RPRD2: variants seen among roughly 807,000 people sequenced by gnomAD.
The protein encoded by RPRD2 is regulation of nuclear pre-mRNA domain-containing protein 2.
In RPRD2, 12 loss-of-function variants were observed where a neutral mutation model predicts 104.4. The ratio of observed to expected loss-of-function variants is 0.11; its 90% CI spans 0.07 to 0.19. The LOEUF is 0.19. Among genes scored for constraint, RPRD2 ranks in the 10% least tolerant of loss-of-function variants. The pLI, the probability that RPRD2 is intolerant of heterozygous loss-of-function variation, is 1.00. For missense variants in RPRD2, 1,543 were observed against 1,790.1 expected, an observed-to-expected ratio of 0.86 and a Z score of 2.49; for synonymous variants, 714 against 684.9, an observed-to-expected ratio of 1.04 and a Z score of -0.66.
chr1:150,431,131 C>T (rs1384686340), intron 2 of RPRD2, among the ~76,000 whole-genome samples: 4 of 151,982 alleles, frequency 2.6e-5, no homozygotes, highest in Admixed American at 6.6e-5. Flanking sequence ...AACAAACAAA[C>T]AACTAGAAAA....
intron 1 of RPRD2, among the ~76,000 whole-genome samples, chr1:150,391,639 G>A (rs1192941323): frequency 3.3e-5 from 5 of 152,246 alleles, no homozygotes; most frequent in South Asian, 4.1e-4. Context: ...CGGGATCAGT[G>A]GCTGACGCCT....
At chr1:150,425,588 T>A (rs6678973) in intron 2 of RPRD2, among the ~76,000 whole-genome samples, 91,723 of 151,268 alleles carry the variant, frequency 0.61, 28,356 homozygotes, top group African/African-American at 0.67. Flanking sequence ...GGTTGCAATG[T>A]GCCGAGATTG....
intron 2 of RPRD2, among the ~76,000 whole-genome samples, chr1:150,431,473 A>ATGTTTTTTTTTTTTTTTTTTTTTTTTT (rs1665568391): frequency 2.5e-5 from 2 of 78,850 alleles, no homozygotes; most frequent in African/African-American, 9.0e-5. Flanking sequence ...AAAAGGAAGG[A>ATGTTTTTTTTTTTTTTTTTTTTTTTTT]TTTTTTTTTT....
chr1:150,397,921 G>T (rs372919585), intron 1 of RPRD2, among the ~76,000 whole-genome samples: 2 of 151,776 alleles, frequency 1.3e-5, no homozygotes, highest in African/African-American at 4.8e-5. Flanking sequence ...CAGCTAATTT[G>T]TTTCTGTTTT....
At chr1:150,429,171 C>T (rs1389726883) in intron 2 of RPRD2, among the ~76,000 whole-genome samples, 2 of 151,382 alleles carry the variant, frequency 1.3e-5, no homozygotes, top group African/African-American at 2.4e-5. Context: ...CAGCTCACCA[C>T]AACCTTTGCT....
chr1:150,380,593 C>A (rs1434285529), intron 1 of RPRD2, among the ~76,000 whole-genome samples: 1 of 152,136 alleles, frequency 6.6e-6, no homozygotes, highest in Non-Finnish European at 1.5e-5. Flanking sequence ...GGTGATCCAC[C>A]TGCCTCAGCC....
rs1430049506 is a variant in RPRD2, at chr1:150,415,112, G to GTGAC, written c.206-2483_206-2482insGACT. ...GGCCAAGGCAGGTGGATCACCTGAG[G>GTGAC]TCAGGATTTCAAGACCAGCCTGCCA... On this transcript the variant is annotated intron_variant, in intron 1 of 10. Transcript: ENST00000369068. Among the ~76,000 whole-genome samples the GTGAC allele has an allele frequency of 2.0e-5, 3 of 152,166 alleles. No individual in the cohort carries two copies. In the East Asian group the frequency reaches 5.8e-4, roughly 29 times the overall value.
Position 150,471,453 on chromosome 1 carries a change from T to A in RPRD2, c.2505T>A (p.Asp835Glu), listed in dbSNP as rs773107394. 1.9e-5 allele frequency: 31 copies of A among 1,613,740 alleles called. No homozygotes were observed. Among genetic ancestry groups the A allele is most frequent in the Non-Finnish European group, 2.2e-5 (26 of 1,179,862 alleles). ...TSFQEDEDYR[D>E]FEYSGPPPSA... ...TCCAAGAAGATGAGGATTACCGAGA[T>A]TTTGAGTATTCAGGGCCTCCACCCT... The change falls in exon 11 of 11, where the codon GAT becomes GAA. Residue 835 changes from aspartate (D) to glutamate (E), a missense_variant. Asp to Glu is a conservative substitution (Grantham distance 45). This residue lies in a region of RPRD2 where 880 missense variants were observed against 885.6 expected (regional missense o/e 0.99). Transcript: ENST00000369068. The surrounding 1 kb of genome is among the most constrained non-coding windows in gnomAD (Gnocchi z 5.3).
intron 1 of RPRD2, among the ~76,000 whole-genome samples, chr1:150,413,772 A>G (rs1290942305): frequency 1.3e-5 from 2 of 149,434 alleles, no homozygotes; most frequent in Non-Finnish European, 3.0e-5. Context: ...CTTAAACTAC[A>G]AAATTAGCCA....
At chr1:150,427,586 C>T (rs1665238752) in intron 2 of RPRD2, among the ~76,000 whole-genome samples, 1 of 151,920 alleles carries the variant, frequency 6.6e-6, no homozygotes, top group Non-Finnish European at 1.5e-5. Context: ...ATTGCTTGAA[C>T]CCAGGAGTTT....
rs1667080193 is a variant in RPRD2, at chr1:150,450,475, C to T, written c.870+4074C>T. 7.3e-5 allele frequency among the ~76,000 whole-genome samples: 11 copies of T among 150,228 alleles called. No homozygotes were observed. The South Asian group carries it at 2.4e-3, about 33-fold the overall frequency. On this transcript the variant is annotated intron_variant, in intron 7 of 10. Coordinates refer to ENST00000369068, the MANE Select transcript of RPRD2 (RefSeq NM_015203.5). ...AAAAAAAATTAGGTGGGCGTGGTGG[C>T]GGGAGCCTGTAGTCCCACTACTCCG... is the stretch of plus-strand genomic sequence containing the variant.
At chr1:150,427,001 C>T (rs782376867) in intron 2 of RPRD2, among the ~76,000 whole-genome samples, 8 of 151,776 alleles carry the variant, frequency 5.3e-5, no homozygotes, top group Admixed American at 1.3e-4. Flanking sequence ...AAAAATTAGC[C>T]GGGCATGGTG....
chr1:150,442,267 A>G (rs1553894627), intron 4 of RPRD2, among the ~76,000 whole-genome samples: 1 of 152,192 alleles, frequency 6.6e-6, no homozygotes, highest in Non-Finnish European at 1.5e-5. Flanking sequence ...GATAATTTTC[A>G]GGTTCAAGGA....
intron 2 of RPRD2, among the ~76,000 whole-genome samples, chr1:150,420,126 GAAC>G (rs1271738927): frequency 6.6e-6 from 1 of 152,110 alleles, no homozygotes; most frequent in African/African-American, 2.4e-5. Flanking sequence ...TTGTGAATAA[GAAC>G]AACAATACAC....
At chr1:150,399,076 A>G (rs1190811527) in intron 1 of RPRD2, among the ~76,000 whole-genome samples, 1 of 152,070 alleles carries the variant, frequency 6.6e-6, no homozygotes, top group Admixed American at 6.6e-5. Flanking sequence ...CATATAGCTC[A>G]CTGCAGCCTC....
chr1:150,415,028 T>C (rs1560182833), intron 1 of RPRD2, among the ~76,000 whole-genome samples: 2 of 152,022 alleles, frequency 1.3e-5, no homozygotes. Flanking sequence ...TATAAATATA[T>C]AAATATAAAT....
chr1:150,369,441 A>ATTT lies in RPRD2; in HGVS notation c.205+4553_205+4555dup, dbSNP rs58054758. 3.4e-3 allele frequency among the ~76,000 whole-genome samples: 194 copies of ATTT among 57,532 alleles called. 8 individuals are homozygous for ATTT. The highest frequency in any genetic ancestry group is 4.4e-3 in the African/African-American group (65 of 14,868). The allele number at this position is 57,532 out of a possible 152,430, so 37.7% of individuals were successfully genotyped here. On this transcript the variant is annotated intron_variant, in intron 1 of 10. Coordinates refer to ENST00000369068, the MANE Select transcript of RPRD2 (RefSeq NM_015203.5). The stretch of plus-strand genomic sequence containing the variant: ...GGAACCATGCCACCACACCTGGCTA[A>ATTT]TTTTTTTTTTTTTTTTTTTTTTTTT...
chr1:150,374,918 C>T (rs1553879180), intron 1 of RPRD2, among the ~76,000 whole-genome samples: 1 of 151,926 alleles, frequency 6.6e-6, no homozygotes, highest in Non-Finnish European at 1.5e-5. Flanking sequence ...TCTTGGTTTA[C>T]GCTTAATGGC....
At chr1:150,447,564 C>T (rs1041949569) in intron 7 of RPRD2, among the ~76,000 whole-genome samples, 2 of 150,400 alleles carry the variant, frequency 1.3e-5, no homozygotes, top group African/African-American at 2.4e-5. Context: ...AAACTCCCTA[C>T]CTCAGGTGAT....
Sources: allele counts gnomAD v4.1 joint callset (sites outside exome capture counted in the v4.1 genomes callset), GRCh38; gene constraint gnomAD v4.1.1; regional missense constraint gnomAD v4.1.1; non-coding constraint Gnocchi (gnomAD v3.1); transcripts MANE v1.5; gene names NCBI Gene and HGNC (gene_info 2026-07-23, HGNC 2026-07-21).